SF3B1: variants seen among roughly 807,000 people sequenced by gnomAD.
SF3B1 encodes splicing factor 3b subunit 1.
Under a neutral mutation model 153.8 loss-of-function variants are expected in SF3B1, and 12 were observed. That is an observed-to-expected ratio of 0.08 (90% CI 0.05 to 0.13). SF3B1 has a LOEUF of 0.13. SF3B1 is among the 10% of genes least tolerant of loss of function. The pLI, the probability that SF3B1 is intolerant of heterozygous loss-of-function variation, is 1.00. For synonymous variants in SF3B1, 498 were observed against 525.2 expected (o/e 0.95, Z 0.71); for missense variants, 513 against 1,606.1 (o/e 0.32, Z 11.63).
chr2:197,411,290 T>C (rs1420568916), intron 6 of SF3B1, among the ~76,000 whole-genome samples: 1 of 152,158 alleles, frequency 6.6e-6, no homozygotes, highest in Non-Finnish European at 1.5e-5. Context: ...AGCATAGAGT[T>C]GAGTGTAAAG....
At chr2:197,395,979 C>A in intron 23 of SF3B1, 77 bp downstream of exon 23, 1 of 1,310,036 alleles carries the variant, frequency 7.6e-7, no homozygotes, top group Non-Finnish European at 1.1e-6. Flanking sequence ...AAAAAGTCAT[C>A]TAATAACTAT....
intron 11 of SF3B1, among the ~76,000 whole-genome samples, chr2:197,404,012 C>T (rs2084962158): frequency 6.6e-6 from 1 of 152,182 alleles, no homozygotes; most frequent in South Asian, 2.1e-4. Context: ...TACTAAATGC[C>T]TTCATTTCCC....
At chr2:197,417,554 A>G (rs1327611597) in intron 5 of SF3B1, among the ~76,000 whole-genome samples, 1 of 149,304 alleles carries the variant, frequency 6.7e-6, no homozygotes, top group African/African-American at 2.5e-5. Flanking sequence ...CCTGGCCAAC[A>G]TAACGAAACC....
intron 6 of SF3B1, among the ~76,000 whole-genome samples, chr2:197,415,232 A>G (rs2085129598): frequency 6.6e-6 from 1 of 150,898 alleles, no homozygotes; most frequent in Admixed American, 6.7e-5. Context: ...AATGGTGCAT[A>G]AGCAAAAGAG....
intron 12 of SF3B1, 62 bp downstream of exon 12, chr2:197,403,523 C>T (rs2084957356): frequency 1.8e-6 from 2 of 1,101,780 alleles, no homozygotes; most frequent in Non-Finnish European, 2.5e-6. Context: ...GTAAATTTAA[C>T]ATTGATTAAC....
chr2:197,401,581 C>G lies in SF3B1; in HGVS notation c.2371-56G>C. The G allele has an allele frequency of 6.6e-7, 1 of 1,507,642 alleles. No homozygotes were observed. Among genetic ancestry groups the G allele is most frequent in the Non-Finnish European group, 9.1e-7 (1 of 1,096,492 alleles). The allele number at this position is 1,507,642 out of a possible 1,614,324, so 93.4% of individuals were successfully genotyped here. ...CAACTGACCTGAAATGAAGAGAATA[C>G]TCATTGCTGATTACGTGATTTTAAA... On this transcript the variant is annotated intron_variant, in intron 16 of 24. Coordinates refer to ENST00000335508, the MANE Select transcript of SF3B1 (RefSeq NM_012433.4). This position sits in a 1 kb window ranked among gnomAD's most constrained non-coding sequence, Gnocchi z 4.2.
intron 1 of SF3B1, among the ~76,000 whole-genome samples, chr2:197,432,968 G>GA (rs1257018204): frequency 1.3e-5 from 2 of 152,204 alleles, no homozygotes; most frequent in Non-Finnish European, 2.9e-5. Flanking sequence ...AAGGAGAAGA[G>GA]AAAATCTTAA....
intron 6 of SF3B1, among the ~76,000 whole-genome samples, chr2:197,411,984 C>T (rs2085075564): frequency 6.6e-6 from 1 of 151,644 alleles, no homozygotes; most frequent in South Asian, 2.1e-4. Context: ...GTGGTGCACA[C>T]CTGTAATTCC....
Position 197,400,636 on chromosome 2 carries a change from G to C in SF3B1, c.2718+79C>G. Reference sequence around the variant, plus strand: ...TTACTTCAAATTCAATTGCATTCTAGAAAAATTTGCTTGACAACTAATATG... The same window carrying C: ...TTACTTCAAATTCAATTGCATTCTACAAAAATTTGCTTGACAACTAATATG... On this transcript the variant is annotated intron_variant, in intron 18 of 24. Transcript: ENST00000335508. This position sits in a 1 kb window ranked among gnomAD's most constrained non-coding sequence, Gnocchi z 5.0. 5 of 1,199,040 alleles carry C rather than the reference G, an allele frequency of 4.2e-6. No individual in the cohort carries two copies. Among genetic ancestry groups the C allele is most frequent in the Non-Finnish European group, 5.9e-6 (5 of 846,544 alleles). The allele number at this position is 1,199,040 out of a possible 1,614,324, so 74.3% of individuals were successfully genotyped here.
intron 9 of SF3B1, 42 bp from the exon 10 acceptor site, chr2:197,405,514 A>C (rs1466166849): frequency 7.4e-7 from 1 of 1,348,930 alleles, no homozygotes; most frequent in South Asian, 1.2e-5. Context: ...TCTTAACTTA[A>C]AAAACAGCAT....
Position 197,402,126 on chromosome 2 carries a change from A to C in SF3B1, c.2082T>G (p.Leu694=). 6.3e-7 allele frequency: 1 copy of C among 1,599,520 alleles called. No homozygotes were observed. Among genetic ancestry groups the C allele is most frequent in the Admixed American group, 1.8e-5 (1 of 56,972 alleles). The change falls in exon 15 of 25, where the codon CTT becomes CTG. Residue 694 remains leucine (L), a synonymous_variant. Transcript: ENST00000335508. This position sits in a 1 kb window ranked among gnomAD's most constrained non-coding sequence, Gnocchi z 4.6. The part of the protein sequence containing the change: ...RSLVEIIEHG[L]VDEQQKVRTI... ...TCCGAACTTTCTGCTGCTCATCCACAAGACCTACAAAACCAAACACAGGTT... is the reference window on the plus strand; with the variant it reads ...TCCGAACTTTCTGCTGCTCATCCACCAGACCTACAAAACCAAACACAGGTT...
chr2:197,419,560 G>C, intron 4 of SF3B1: 1 of 222,106 alleles, frequency 4.5e-6, no homozygotes, highest in East Asian at 6.6e-5. Flanking sequence ...ACTTCCTTTG[G>C]AATACTTTTT....
rs1329745801 is a variant in SF3B1, at chr2:197,401,584, A to G, written c.2371-59T>C. ...CTGACCTGAAATGAAGAGAATACTC[A>G]TTGCTGATTACGTGATTTTAAAAAA... is the stretch of plus-strand genomic sequence containing the variant. On this transcript the variant is annotated intron_variant, in intron 16 of 24. Coordinates refer to ENST00000335508, the MANE Select transcript of SF3B1 (RefSeq NM_012433.4). This position sits in a 1 kb window ranked among gnomAD's most constrained non-coding sequence, Gnocchi z 4.2. The G allele has an allele frequency of 1.3e-5, 19 of 1,518,656 alleles. No homozygotes were observed. Among genetic ancestry groups the G allele is most frequent in the Non-Finnish European group, 1.7e-5 (19 of 1,108,272 alleles). 94.1% of individuals were successfully genotyped at this position (1,518,656 alleles called of 1,614,324 possible).
chr2:197,428,870 G>A (rs2085379707), intron 1 of SF3B1, among the ~76,000 whole-genome samples: 1 of 151,964 alleles, frequency 6.6e-6, no homozygotes, highest in Non-Finnish European at 1.5e-5. Flanking sequence ...ACTCTGGCCT[G>A]GGCAACAAGA....
chr2:197,419,087 C>T (rs2085199767), intron 4 of SF3B1: 1 of 631,474 alleles, frequency 1.6e-6, no homozygotes, highest in African/African-American at 1.9e-5. Flanking sequence ...TGTTCTAAAA[C>T]AATTGTAGTT....
rs905788590 is a variant in SF3B1 at position 197,402,854 on chromosome 2, C to A, written c.1807-28G>T. 6.2e-7 allele frequency: 1 copy of A among 1,612,444 alleles called. No individual in the cohort carries two copies. Among genetic ancestry groups the A allele is most frequent in the South Asian group, 1.1e-5 (1 of 90,936 alleles). ...AAAATGTAAACAAAGAAAGGACAGTCATGAGTTGGTAATATTAATCTTCAA... is the reference window on the plus strand; with the variant it reads ...AAAATGTAAACAAAGAAAGGACAGTAATGAGTTGGTAATATTAATCTTCAA... On this transcript the variant is annotated intron_variant, in intron 13 of 24. Transcript: ENST00000335508. The surrounding 1 kb of genome is among the most constrained non-coding windows in gnomAD (Gnocchi z 4.6).
At chr2:197,420,128 A>T (rs1369166718) in intron 4 of SF3B1, 1 of 325,140 alleles carries the variant, frequency 3.1e-6, no homozygotes, top group Non-Finnish European at 5.7e-6. Flanking sequence ...AGAAAAATAC[A>T]TTTGATCCAA....
chr2:197,400,235 T>C lies in SF3B1; in HGVS notation c.2901+17A>G, dbSNP rs779884519. 19 of 1,612,854 alleles carry C rather than the reference T, an allele frequency of 1.2e-5. No homozygotes were observed. The highest frequency in any genetic ancestry group is 2.7e-5 in the African/African-American group (2 of 74,992). The stretch of plus-strand genomic sequence containing the variant: ...AACTATTTGGGGAAGAAGTAAGAAT[T>C]TGATGCAAAAGTTTACCTCTTGACA... On this transcript the variant is annotated intron_variant, in intron 19 of 24. Transcript: ENST00000335508. The surrounding 1 kb of genome is among the most constrained non-coding windows in gnomAD (Gnocchi z 5.0).
chr2:197,413,551 C>A (rs1296661362), intron 6 of SF3B1, among the ~76,000 whole-genome samples: 1 of 152,140 alleles, frequency 6.6e-6, no homozygotes, highest in Non-Finnish European at 1.5e-5. Context: ...TTATATATCC[C>A]TGTTCTGGGT....
Sources: allele counts gnomAD v4.1 joint callset (sites outside exome capture counted in the v4.1 genomes callset), GRCh38; gene constraint gnomAD v4.1.1; non-coding constraint Gnocchi (gnomAD v3.1); transcripts MANE v1.5; gene names NCBI Gene and HGNC (gene_info 2026-07-23, HGNC 2026-07-21).